The following SHISA6 variants were observed in gnomAD, a reference collection of about 807,000 sequenced individuals.
SHISA6 encodes protein shisa-6.
In SHISA6, 22 loss-of-function variants were observed where a neutral mutation model predicts 47.9. The ratio of observed to expected loss-of-function variants is 0.46; its 90% confidence interval spans 0.33 to 0.66. The LOEUF is 0.66. Ranked by LOEUF, SHISA6 falls within the 30% of genes least tolerant of loss-of-function variation. SHISA6 has a pLI of 0.02. For missense variants in SHISA6, 680 were observed against 764.6 expected (o/e 0.89, Z 1.30); for synonymous variants, 388 against 337.8 (o/e 1.15, Z -1.63).
At chr17:11,261,555 T>G (rs75036790) in intron 1 of SHISA6, among the ~76,000 whole-genome samples, 1,885 of 152,386 alleles carry the variant, frequency 0.012, 30 homozygotes, top group African/African-American at 0.043. Flanking sequence ...CTGGGTATGT[T>G]ACAGAAGCAT....
chr17:11,522,395 C>T (rs903221194), intron 3 of SHISA6, among the ~76,000 whole-genome samples: 8 of 152,164 alleles, frequency 5.3e-5, no homozygotes, highest in African/African-American at 1.9e-4. Flanking sequence ...TCCTGAGTAG[C>T]TGGGACTACA....
intron 1 of SHISA6, among the ~76,000 whole-genome samples, chr17:11,261,997 G>T (rs1048838379): frequency 6.6e-6 from 1 of 152,128 alleles, no homozygotes; most frequent in Non-Finnish European, 1.5e-5. Context: ...GTGGCTTTTT[G>T]GTTATAGCTA....
At chr17:11,501,217 A>G (rs2071450141) in intron 3 of SHISA6, among the ~76,000 whole-genome samples, 1 of 151,914 alleles carries the variant, frequency 6.6e-6, no homozygotes, top group Non-Finnish European at 1.5e-5. Flanking sequence ...GGTTCAAGCA[A>G]TTCTCCTGCC....
intron 3 of SHISA6, among the ~76,000 whole-genome samples, chr17:11,502,985 G>A (rs1445237015): frequency 6.6e-6 from 1 of 152,170 alleles, no homozygotes; most frequent in Non-Finnish European, 1.5e-5. Context: ...GGGGTAGAAG[G>A]ATGGTTGGAA....
At chr17:11,294,963 C>G (rs7215636) in intron 2 of SHISA6, among the ~76,000 whole-genome samples, 138,623 of 152,226 alleles carry the variant, frequency 0.91, 63,172 homozygotes, top group East Asian at 1. Context: ...CAAAATAAAG[C>G]TTTTTCAAGC....
intron 3 of SHISA6, among the ~76,000 whole-genome samples, chr17:11,501,100 T>C (rs2071448742): frequency 6.7e-6 from 1 of 150,330 alleles, no homozygotes. Context: ...TATTAATCTC[T>C]AATGCTTCCA....
Position 11,364,619 on chromosome 17 carries a change from T to A in SHISA6, c.800-14795T>A, listed in dbSNP as rs555760242. Among the ~76,000 whole-genome samples the A allele has an allele frequency of 2.0e-5, 3 of 152,368 alleles. No homozygotes were observed. In the South Asian group the frequency reaches 6.2e-4, roughly 32 times the overall value. ...ATCACCATTTGATGGACATTCTGGC[T>A]ATTTTCAATTCTTTTACTATTTTAA... On this transcript the variant is annotated intron_variant, in intron 2 of 5. Coordinates refer to ENST00000441885, the MANE Select transcript of SHISA6 (RefSeq NM_207386.4).
rs1167771876 is a variant in SHISA6, at chr17:11,241,820, G to T, written c.398G>T (p.Arg133Leu). The change falls in exon 1 of 6, where the codon CGC (arginine) becomes CTC (leucine). Residue 133 changes from arginine (R) to leucine (L), a missense_variant. Around this residue, in one of 2 missense-constraint regions of SHISA6, gnomAD observed 559 missense variants for 674.1 expected, o/e 0.83. Transcript: ENST00000441885. The surrounding 1 kb of genome is among the most constrained non-coding windows in gnomAD (Gnocchi z 5.5). ...TACTACCGCTTCTGCTGCAAGAAGCGCCACGAGAAGCTGGACCAGCGCCAG... is the reference window on the plus strand; with the variant it reads ...TACTACCGCTTCTGCTGCAAGAAGCTCCACGAGAAGCTGGACCAGCGCCAG... ...TCYYRFCCKK[R>L]HEKLDQRQCT... 6 of 1,550,722 alleles carry T rather than the reference G, an allele frequency of 3.9e-6. No individual in the cohort carries two copies. The highest frequency in any genetic ancestry group is 2.0e-5 in the Admixed American group (1 of 50,992).
intron 3 of SHISA6, among the ~76,000 whole-genome samples, chr17:11,446,045 C>T (rs1597517901): frequency 6.6e-6 from 1 of 152,146 alleles, no homozygotes; most frequent in African/African-American, 2.4e-5. Context: ...TCAGGCTGGT[C>T]TTGAACTCCT....
chr17:11,349,784 G>C (rs117924121), intron 2 of SHISA6, among the ~76,000 whole-genome samples: 5,620 of 152,258 alleles, frequency 0.037, 146 homozygotes, highest in Middle Eastern at 0.058. Context: ...GAAAAAGAGA[G>C]ATTATTCAGA....
intron 3 of SHISA6, among the ~76,000 whole-genome samples, 190 bp from the exon 4 acceptor site, chr17:11,551,706 T>A (rs2071933243): frequency 6.6e-6 from 1 of 152,192 alleles, no homozygotes; most frequent in African/African-American, 2.4e-5. Context: ...GGAAACCCTG[T>A]TGCAGAAGGA....
chr17:11,467,840 G>A (rs753422566), intron 3 of SHISA6, among the ~76,000 whole-genome samples: 4 of 152,138 alleles, frequency 2.6e-5, no homozygotes, highest in Non-Finnish European at 4.4e-5. Context: ...AGATAATGGC[G>A]AACCAAGTAC....
chr17:11,397,446 T>C (rs1046553415), intron 3 of SHISA6, among the ~76,000 whole-genome samples: 5 of 136,438 alleles, frequency 3.7e-5, no homozygotes, highest in Non-Finnish European at 6.2e-5. Context: ...ACCTTTTAAT[T>C]TTGTTTTTTC....
At chr17:11,508,286 CCAAGAT>C (rs1467734662) in intron 3 of SHISA6, among the ~76,000 whole-genome samples, 1 of 152,168 alleles carries the variant, frequency 6.6e-6, no homozygotes, top group African/African-American at 2.4e-5. Flanking sequence ...GTTTGGAAGT[CCAAGAT>C]CAAAGCACCA....
chr17:11,388,654 A>T (rs894802919), intron 3 of SHISA6, among the ~76,000 whole-genome samples: 1 of 151,372 alleles, frequency 6.6e-6, no homozygotes, highest in Admixed American at 6.6e-5. Context: ...CATCGGTGTG[A>T]TTCCATATGT....
intron 3 of SHISA6, among the ~76,000 whole-genome samples, chr17:11,455,784 A>G (rs1915518734): frequency 6.6e-6 from 1 of 152,188 alleles, no homozygotes; most frequent in Non-Finnish European, 1.5e-5. Flanking sequence ...TACTATTTGT[A>G]TCTGCAGTGG....
At chr17:11,292,997 G>T (rs1381324090) in intron 2 of SHISA6, among the ~76,000 whole-genome samples, 6 of 151,836 alleles carry the variant, frequency 4.0e-5, no homozygotes, top group Non-Finnish European at 5.9e-5. Context: ...GCTAATTTTT[G>T]TATTTTTAGT....
At chr17:11,261,388 G>C (rs1202605377) in intron 1 of SHISA6, among the ~76,000 whole-genome samples, 1 of 152,222 alleles carries the variant, frequency 6.6e-6, no homozygotes, top group Non-Finnish European at 1.5e-5. Context: ...CTCTCTCTTG[G>C]CTGTGCTGAC....
At chr17:11,388,811 TATATATATATATATATATATATA>T (rs1345186897) in intron 3 of SHISA6, among the ~76,000 whole-genome samples, 3 of 95,248 alleles carry the variant, frequency 3.1e-5, no homozygotes, top group Admixed American at 2.2e-4. Context: ...TATATATATA[TATATATATATATATATATATATA>T]TATATATTTT....
Sources: allele counts gnomAD v4.1 joint callset (sites outside exome capture counted in the v4.1 genomes callset), GRCh38; gene constraint gnomAD v4.1.1; regional missense constraint gnomAD v4.1.1; non-coding constraint Gnocchi (gnomAD v3.1); transcripts MANE v1.5; gene names NCBI Gene and HGNC (gene_info 2026-07-23, HGNC 2026-07-21).